Variants in FBLN7 observed in about 807,000 individuals in gnomAD.
The protein encoded by FBLN7 is fibulin 7.
A neutral mutation model predicts 44.0 loss-of-function variants in FBLN7; 31 were observed. That is an observed-to-expected ratio of 0.70 (90% CI 0.53 to 0.95). The LOEUF (loss-of-function observed/expected upper bound fraction) is 0.95. Among genes scored for constraint, FBLN7 ranks in the 40% least tolerant of loss-of-function variants. FBLN7 has a pLI of 0.00. For missense variants in FBLN7, 573 were observed against 618.5 expected, an observed-to-expected ratio of 0.93 and a Z score of 0.78; for synonymous variants, 262 against 253.4, an observed-to-expected ratio of 1.03 and a Z score of -0.32.
the FBLN7 span, among the ~76,000 whole-genome samples, chr2:112,226,316 C>A: frequency 6.6e-6 from 1 of 151,214 alleles, no homozygotes; most frequent in South Asian, 2.1e-4. Flanking sequence ...CGGCTGGGCG[C>A]GGTAGCTCAC....
intron 4 of FBLN7, among the ~76,000 whole-genome samples, chr2:112,178,332 A>C (rs1682830681): frequency 6.6e-6 from 1 of 152,160 alleles, no homozygotes; most frequent in African/African-American, 2.4e-5. Context: ...CAGACCAATA[A>C]TGAGCTCTGA....
chr2:112,197,298 G>GAC, the FBLN7 span, among the ~76,000 whole-genome samples: 5 of 149,776 alleles, frequency 3.3e-5, no homozygotes, highest in Admixed American at 1.3e-4. Context: ...GAGAGAGAGA[G>GAC]AGAGAGAGAC....
At chr2:112,157,879 C>T (rs1395096993) in intron 1 of FBLN7, among the ~76,000 whole-genome samples, 2 of 150,784 alleles carry the variant, frequency 1.3e-5, no homozygotes, top group African/African-American at 4.9e-5. Context: ...CCACCGCACC[C>T]AGCCTGTCCT....
At chr2:112,215,444 T>C in the FBLN7 span, 1 of 152,320 alleles carries the variant, frequency 6.6e-6, no homozygotes, top group Non-Finnish European at 1.5e-5. Flanking sequence ...TTGCTTGGAG[T>C]ATATGCAATT....
chr2:112,222,301 C>T, the FBLN7 span, among the ~76,000 whole-genome samples: 1 of 152,112 alleles, frequency 6.6e-6, no homozygotes, highest in Non-Finnish European at 1.5e-5. Flanking sequence ...CACGGGGTTG[C>T]ACCTGCCTGC....
chr2:112,142,148 A>G (rs1027474192), intron 1 of FBLN7, among the ~76,000 whole-genome samples: 10 of 152,090 alleles, frequency 6.6e-5, no homozygotes, highest in African/African-American at 2.4e-4. Flanking sequence ...GCAAGCGTAA[A>G]GGGTGAATTG....
intron 3 of FBLN7, among the ~76,000 whole-genome samples, chr2:112,172,042 A>G (rs959378822): frequency 7.2e-5 from 11 of 152,326 alleles, no homozygotes; most frequent in South Asian, 2.1e-4. Context: ...TAGCCACCGC[A>G]CCCGACCATT....
At chr2:112,143,704 C>A (rs1161150577) in intron 1 of FBLN7, among the ~76,000 whole-genome samples, 1 of 152,138 alleles carries the variant, frequency 6.6e-6, no homozygotes, top group East Asian at 1.9e-4. Flanking sequence ...CTTATCTATT[C>A]TTTATCGTTA....
chr2:112,140,716 A>G (rs1680600147), intron 1 of FBLN7, among the ~76,000 whole-genome samples: 1 of 152,108 alleles, frequency 6.6e-6, no homozygotes, highest in African/African-American at 2.4e-5. Context: ...CCGACATTTA[A>G]ATTTCCAACC....
the FBLN7 span, among the ~76,000 whole-genome samples, chr2:112,225,482 A>C: frequency 1.3e-5 from 2 of 152,050 alleles, no homozygotes; most frequent in African/African-American, 2.4e-5. Context: ...TATGTCTAAA[A>C]AAAGACTACA....
chr2:112,203,968 A>C, the FBLN7 span, among the ~76,000 whole-genome samples: 1 of 152,226 alleles, frequency 6.6e-6, no homozygotes, highest in Non-Finnish European at 1.5e-5. Flanking sequence ...AGTACAATTT[A>C]AGATGAGATT....
intron 1 of FBLN7, among the ~76,000 whole-genome samples, chr2:112,140,621 G>T (rs918979860): frequency 1.3e-5 from 2 of 152,216 alleles, no homozygotes; most frequent in Admixed American, 1.3e-4. Flanking sequence ...TTCTCAGGGA[G>T]CTATGAGACA....
At chr2:112,146,838 C>T (rs1414630144) in intron 1 of FBLN7, among the ~76,000 whole-genome samples, 3 of 152,118 alleles carry the variant, frequency 2.0e-5, no homozygotes, top group Non-Finnish European at 4.4e-5. Flanking sequence ...ATTTCAAGTA[C>T]AGTTTTTAAC....
the FBLN7 span, among the ~76,000 whole-genome samples, chr2:112,244,493 G>C: frequency 1.3e-5 from 2 of 152,128 alleles, no homozygotes; most frequent in Non-Finnish European, 2.9e-5. Flanking sequence ...TAAGATGTGA[G>C]ATATCTACAA....
chr2:112,219,038 T>A, the FBLN7 span, among the ~76,000 whole-genome samples: 6 of 152,228 alleles, frequency 3.9e-5, no homozygotes, highest in African/African-American at 1.4e-4. Context: ...AAGCAATCTA[T>A]GTATTCAATG....
chr2:112,185,178 C>A, intron 6 of FBLN7, 23 bp from the exon 7 acceptor site: 1 of 1,602,830 alleles, frequency 6.2e-7, no homozygotes, highest in Non-Finnish European at 8.5e-7. Context: ...CGATTCTCAC[C>A]TGTTGTATGT....
At chr2:112,234,585 G>A in the FBLN7 span, among the ~76,000 whole-genome samples, 1 of 152,194 alleles carries the variant, frequency 6.6e-6, no homozygotes. Context: ...TGGACCACTT[G>A]AGGTCAGGAG....
intron 2 of FBLN7, among the ~76,000 whole-genome samples, chr2:112,162,969 G>A (rs1038297341): frequency 6.6e-6 from 1 of 152,178 alleles, no homozygotes; most frequent in Non-Finnish European, 1.5e-5. Flanking sequence ...GCAGAACCCC[G>A]GGAGCAGCCG....
At chr2:112,231,874 A>G in the FBLN7 span, 2 of 1,595,146 alleles carry the variant, frequency 1.3e-6, no homozygotes, top group African/African-American at 1.3e-5. Flanking sequence ...GAGTCAGTGG[A>G]GCATGAGAAA....
Sources: gnomAD v4.1 joint callset for allele counts (sites outside exome capture counted in the v4.1 genomes callset) on GRCh38, gnomAD v4.1.1 for gene constraint, MANE v1.5 for transcripts, NCBI Gene and HGNC (gene_info 2026-07-23, HGNC 2026-07-21) for gene names.